The following TXNRD1 variants were observed in gnomAD, a reference collection of about 807,000 sequenced individuals.
The protein encoded by TXNRD1 is thioredoxin reductase 1, cytoplasmic.
A neutral mutation model predicts 80.3 loss-of-function variants in TXNRD1; 57 were observed. The observed-to-expected ratio is 0.71, with a 90% CI of 0.57 to 0.89. The LOEUF is 0.89. Ranked by LOEUF, TXNRD1 falls within the 40% of genes least tolerant of loss-of-function variation. The probability of loss-of-function intolerance (pLI) is 0.00; values close to 1 mark genes in which losing one functional copy is unlikely to be tolerated. For synonymous variants in TXNRD1, 291 were observed against 285.2 expected (o/e 1.02, Z -0.20); for missense variants, 730 against 803.0 (o/e 0.91, Z 1.10).
intron 6 of TXNRD1, among the ~76,000 whole-genome samples, chr12:104,315,474 T>G (rs2035292562): frequency 6.6e-6 from 1 of 152,238 alleles, no homozygotes; most frequent in South Asian, 2.1e-4. Context: ...GTGTACATAG[T>G]AAGATTTCAA....
At chr12:104,304,319 C>G in intron 4 of TXNRD1, 1 of 1,613,966 alleles carries the variant, frequency 6.2e-7, no homozygotes. Context: ...GTTCGTGGGT[C>G]TGAATTGGAT....
chr12:104,278,578 T>C (rs1412121641), intron 3 of TXNRD1, among the ~76,000 whole-genome samples: 1 of 147,896 alleles, frequency 6.8e-6, no homozygotes, highest in Non-Finnish European at 1.5e-5. Context: ...CTTGGCTCAC[T>C]GCAACCTCCA....
intron 1 of TXNRD1, among the ~76,000 whole-genome samples, chr12:104,232,404 A>G (rs1040104106): frequency 1.2e-4 from 19 of 152,118 alleles, no homozygotes; most frequent in African/African-American, 4.6e-4. Flanking sequence ...CTCTACTAAA[A>G]ATACAAAAAT....
intron 4 of TXNRD1, among the ~76,000 whole-genome samples, chr12:104,291,444 A>G (rs888473386): frequency 4.1e-5 from 6 of 145,614 alleles, no homozygotes; most frequent in Non-Finnish European, 7.5e-5. Flanking sequence ...TGTAGTCCAA[A>G]GCGCTGGGAT....
At chr12:104,305,556 A>T (rs981979958) in intron 4 of TXNRD1, among the ~76,000 whole-genome samples, 1 of 152,216 alleles carries the variant, frequency 6.6e-6, no homozygotes, top group African/African-American at 2.4e-5. Context: ...AAACACGAAG[A>T]AGGAAAAGGC....
intron 1 of TXNRD1, among the ~76,000 whole-genome samples, chr12:104,245,768 T>C (rs1052461662): frequency 3.3e-5 from 5 of 151,834 alleles, no homozygotes; most frequent in African/African-American, 1.2e-4. Flanking sequence ...CTCACTTCAG[T>C]GTACATTTAT....
chr12:104,324,041 T>C (rs2035663424), intron 10 of TXNRD1, among the ~76,000 whole-genome samples: 2 of 152,152 alleles, frequency 1.3e-5, no homozygotes, highest in South Asian at 4.1e-4. Flanking sequence ...GAATGTAGTA[T>C]GTGTACAAAG....
At chr12:104,338,883 A>AT (rs1407635268) in intron 15 of TXNRD1, among the ~76,000 whole-genome samples, 3 of 151,566 alleles carry the variant, frequency 2.0e-5, no homozygotes, top group Non-Finnish European at 4.4e-5. Flanking sequence ...CGCCCGGCTA[A>AT]TTTTTTGTAT....
chr12:104,330,759 G>A (rs536154309), intron 13 of TXNRD1, among the ~76,000 whole-genome samples: 1 of 151,988 alleles, frequency 6.6e-6, no homozygotes, highest in South Asian at 2.1e-4. Flanking sequence ...GCTAATTTTT[G>A]TATTTTTTAG....
At chr12:104,335,204 T>C (rs77031692) in intron 15 of TXNRD1, among the ~76,000 whole-genome samples, 2 of 31,284 alleles carry the variant, frequency 6.4e-5, no homozygotes, top group Non-Finnish European at 1.0e-4. Flanking sequence ...ACAGTCCTTT[T>C]TTTTTTTTTT....
intron 9 of TXNRD1, among the ~76,000 whole-genome samples, chr12:104,320,659 T>TC (rs149294533): frequency 6.6e-6 from 1 of 152,132 alleles, no homozygotes; most frequent in East Asian, 1.9e-4. Context: ...TTTTTTTTTT[T>TC]CTGCATCCTA....
At chr12:104,305,758 A>G (rs1191233493) in intron 4 of TXNRD1, among the ~76,000 whole-genome samples, 1 of 152,210 alleles carries the variant, frequency 6.6e-6, no homozygotes, top group African/African-American at 2.4e-5. Context: ...CTTGCTATCC[A>G]GTTGTAGTTT....
At chr12:104,218,001 C>A (rs1270677196) in intron 1 of TXNRD1, among the ~76,000 whole-genome samples, 4 of 151,768 alleles carry the variant, frequency 2.6e-5, no homozygotes, top group African/African-American at 7.3e-5. Context: ...CACACACACA[C>A]AAAATGGAAT....
intron 1 of TXNRD1, 139 bp downstream of exon 1, chr12:104,216,032 G>A: frequency 1.4e-6 from 1 of 727,460 alleles, no homozygotes; most frequent in South Asian, 2.0e-5. Context: ...GCGCCACGCT[G>A]GAGACCCCAG....
chr12:104,327,479 T>C, intron 12 of TXNRD1, 36 bp from the exon 13 acceptor site: 1 of 1,580,264 alleles, frequency 6.3e-7, no homozygotes, highest in Non-Finnish European at 8.6e-7. Flanking sequence ...TTAATAATGG[T>C]AATTAATGAT....
At chr12:104,260,103 G>A (rs1250789049) in intron 3 of TXNRD1, among the ~76,000 whole-genome samples, 2 of 152,204 alleles carry the variant, frequency 1.3e-5, no homozygotes, top group Non-Finnish European at 2.9e-5. Flanking sequence ...GGAGGTGGAG[G>A]TGGGAGGATT....
chr12:104,296,551 G>A (rs1028362240), intron 4 of TXNRD1, among the ~76,000 whole-genome samples: 2 of 152,150 alleles, frequency 1.3e-5, no homozygotes, highest in African/African-American at 4.8e-5. Flanking sequence ...TGGGAATACA[G>A]GCATGTACCA....
intron 3 of TXNRD1, among the ~76,000 whole-genome samples, chr12:104,259,702 G>T (rs554698830): frequency 6.6e-6 from 1 of 151,798 alleles, no homozygotes; most frequent in South Asian, 2.1e-4. Context: ...TGTTGAGGCT[G>T]GTCTCGAACT....
intron 3 of TXNRD1, chr12:104,287,432 G>A (rs535166458): frequency 1.2e-6 from 2 of 1,613,582 alleles, no homozygotes; most frequent in Admixed American, 1.7e-5. Flanking sequence ...GAGAAAATGG[G>A]TATTGTATCG....
Sources: allele counts gnomAD v4.1 joint callset (sites outside exome capture counted in the v4.1 genomes callset), GRCh38; gene constraint gnomAD v4.1.1; transcripts MANE v1.5; gene names NCBI Gene and HGNC (gene_info 2026-07-23, HGNC 2026-07-21).